Variants in EPHA3 observed in about 807,000 individuals in gnomAD.
EPHA3 encodes ephrin type-A receptor 3.
In EPHA3, 42 loss-of-function variants were observed where a neutral mutation model predicts 107.1. The observed-to-expected ratio is 0.39, with a 90% CI of 0.31 to 0.51. The LOEUF (loss-of-function observed/expected upper bound fraction) is 0.51, where lower values mean the gene tolerates loss of function less well. EPHA3 is among the 20% of genes least tolerant of loss of function. The pLI is 0.78. For synonymous variants in EPHA3, 461 were observed against 424.8 expected (o/e 1.09, Z -1.05); for missense variants, 1,183 against 1,211.2 (o/e 0.98, Z 0.35).
chr3:89,472,460 G>T lies in EPHA3; in HGVS notation c.2691-4G>T, dbSNP rs1438143993. On this transcript the variant is annotated splice_region_variant and splice_polypyrimidine_tract_variant and intron_variant, in intron 15 of 16. Coordinates refer to ENST00000336596, the MANE Select transcript of EPHA3 (RefSeq NM_005233.6). ...GTCTCCCTTTGGTGTTTTTTTTCTT[G>T]CAGGCCATCAAACCTTCTTCTGGAC... 14 of 1,604,456 alleles carry T rather than the reference G, an allele frequency of 8.7e-6. No homozygotes were observed. The highest frequency in any genetic ancestry group is 6.8e-5 in the African/African-American group (5 of 74,074).
intron 3 of EPHA3, among the ~76,000 whole-genome samples, chr3:89,225,522 A>G (rs1327936361): frequency 2.0e-5 from 3 of 152,170 alleles, no homozygotes; most frequent in Admixed American, 6.6e-5. Flanking sequence ...GTTTGGTCAT[A>G]GTAGCCTAAT....
chr3:89,219,340 T>C (rs1363350227), intron 3 of EPHA3, among the ~76,000 whole-genome samples: 13 of 152,002 alleles, frequency 8.6e-5, no homozygotes, highest in Non-Finnish European at 1.8e-4. Context: ...ATTTTGTGTT[T>C]TTAGTAGAGA....
chr3:89,243,635 A>G (rs1421188044), intron 3 of EPHA3, among the ~76,000 whole-genome samples: 1 of 151,956 alleles, frequency 6.6e-6, no homozygotes. Context: ...GTTTGTGTTC[A>G]TTGTAGCCCT....
chr3:89,206,694 T>C (rs1437679645), intron 2 of EPHA3, among the ~76,000 whole-genome samples: 7 of 152,184 alleles, frequency 4.6e-5, no homozygotes, highest in Non-Finnish European at 1.0e-4. Flanking sequence ...TTGCTTTGAA[T>C]GTGACTGTAT....
At chr3:89,329,679 A>G (rs1318637447) in intron 3 of EPHA3, among the ~76,000 whole-genome samples, 2 of 152,150 alleles carry the variant, frequency 1.3e-5, no homozygotes, top group Admixed American at 1.3e-4. Context: ...ATATTTATAA[A>G]TTAACCATTT....
rs1478345384 is a variant in EPHA3, at chr3:89,348,010, G to A, written c.1306+5920G>A. ...AGCTTTTTGATGTGCTGCTGGATTC[G>A]ATTTGCCAGTATTTTATTGAGGATT... On this transcript the variant is annotated intron_variant, in intron 5 of 16. Transcript: ENST00000336596. 1.6e-4 allele frequency among the ~76,000 whole-genome samples: 24 copies of A among 150,526 alleles called. 1 individual carries two copies. Among genetic ancestry groups the A allele is most frequent in the Admixed American group, 1.5e-3 (22 of 15,008 alleles).
chr3:89,306,725 A>C (rs1254900373), intron 3 of EPHA3, among the ~76,000 whole-genome samples: 1 of 152,154 alleles, frequency 6.6e-6, no homozygotes, highest in Non-Finnish European at 1.5e-5. Flanking sequence ...AATAATGCTG[A>C]GAAAAGCCCT....
At chr3:89,347,019 A>G (rs1286978569) in intron 5 of EPHA3, among the ~76,000 whole-genome samples, 1 of 142,560 alleles carries the variant, frequency 7.0e-6, no homozygotes, top group Non-Finnish European at 1.5e-5. Flanking sequence ...TGGTTACTGT[A>G]GCCTTGTAGT....
At chr3:89,122,942 T>G (rs1201235722) in intron 1 of EPHA3, among the ~76,000 whole-genome samples, 2 of 152,170 alleles carry the variant, frequency 1.3e-5, no homozygotes, top group Non-Finnish European at 2.9e-5. Context: ...GGACTTTTGA[T>G]TGAGTCTCTC....
intron 3 of EPHA3, among the ~76,000 whole-genome samples, chr3:89,312,199 G>A (rs1706779576): frequency 6.6e-6 from 1 of 151,854 alleles, no homozygotes; most frequent in Non-Finnish European, 1.5e-5. Flanking sequence ...AAAATGTAAT[G>A]TAAACAATAT....
intron 2 of EPHA3, among the ~76,000 whole-genome samples, chr3:89,184,145 G>A (rs1705506754): frequency 6.6e-6 from 1 of 151,870 alleles, no homozygotes; most frequent in Non-Finnish European, 1.5e-5. Context: ...GGAAAATGAT[G>A]GTGATTTTCC....
chr3:89,140,443 A>G (rs1271001441), intron 2 of EPHA3, among the ~76,000 whole-genome samples: 1 of 151,770 alleles, frequency 6.6e-6, no homozygotes, highest in Non-Finnish European at 1.5e-5. Context: ...TGCTAAAATA[A>G]TCACTAAATA....
intron 13 of EPHA3, among the ~76,000 whole-genome samples, chr3:89,438,313 A>G (rs966637815): frequency 6.6e-5 from 10 of 151,826 alleles, no homozygotes; most frequent in Admixed American, 1.3e-4. Flanking sequence ...GGGTTTCACC[A>G]TGTTAGCCAG....
At chr3:89,344,210 T>A (rs532080983) in intron 5 of EPHA3, among the ~76,000 whole-genome samples, 1 of 152,304 alleles carries the variant, frequency 6.6e-6, no homozygotes, top group South Asian at 2.1e-4. Flanking sequence ...TGACAATGCA[T>A]TTATCAGGAA....
At chr3:89,385,746 A>T (rs1708604745) in intron 5 of EPHA3, among the ~76,000 whole-genome samples, 1 of 152,188 alleles carries the variant, frequency 6.6e-6, no homozygotes, top group Non-Finnish European at 1.5e-5. Context: ...AACAATTTGG[A>T]AAACTCAGAA....
intron 3 of EPHA3, among the ~76,000 whole-genome samples, chr3:89,310,258 G>T (rs552049492): frequency 5.3e-5 from 8 of 152,104 alleles, no homozygotes; most frequent in African/African-American, 1.7e-4. Flanking sequence ...AGTACTAATT[G>T]TAAGGGATAG....
chr3:89,479,988 C>T lies in EPHA3; in HGVS notation c.*486C>T. 4.3e-6 allele frequency: 1 copy of T among 235,030 alleles called. No homozygotes were observed. The highest frequency in any genetic ancestry group is 8.4e-6 in the Non-Finnish European group (1 of 119,064). The allele number at this position is 235,030 out of a possible 1,614,324, so 14.6% of individuals were successfully genotyped here. ...ACCTCAAACTATCTGGCCATATTTA[C>T]TACCTTATCACTGCATTATTCTCTT... is the stretch of plus-strand genomic sequence containing the variant. On this transcript the variant is annotated 3_prime_UTR_variant, in exon 17 of 17. Coordinates refer to ENST00000336596, the MANE Select transcript of EPHA3 (RefSeq NM_005233.6).
At chr3:89,170,654 CA>C (rs1448752096) in intron 2 of EPHA3, among the ~76,000 whole-genome samples, 2 of 152,036 alleles carry the variant, frequency 1.3e-5, no homozygotes, top group East Asian at 3.9e-4. Flanking sequence ...AGTGGGATCC[CA>C]AGCTCAAATA....
chr3:89,129,242 G>T (rs913601639), intron 2 of EPHA3, among the ~76,000 whole-genome samples: 2 of 151,960 alleles, frequency 1.3e-5, no homozygotes, highest in African/African-American at 4.8e-5. Flanking sequence ...TTTCTTCTTT[G>T]GTTTACTGTT....
Sources: gnomAD v4.1 joint callset for allele counts (sites outside exome capture counted in the v4.1 genomes callset) on GRCh38, gnomAD v4.1.1 for gene constraint, MANE v1.5 for transcripts, NCBI Gene and HGNC (gene_info 2026-07-23, HGNC 2026-07-21) for gene names.